The following DNAH17 variants were observed in gnomAD, a reference collection of about 807,000 sequenced individuals.
DNAH17 encodes axonemal beta dynein heavy chain 17.
Under a neutral mutation model 485.6 loss-of-function variants are expected in DNAH17, and 376 were observed. That is an observed-to-expected ratio of 0.77 (90% CI 0.71 to 0.84). DNAH17 has a LOEUF of 0.84. Among genes scored for constraint, DNAH17 ranks in the 40% least tolerant of loss-of-function variants. The probability of loss-of-function intolerance (pLI) is 0.00; values close to 1 mark genes in which losing one functional copy is unlikely to be tolerated. For synonymous variants in DNAH17, 3,031 were observed against 2,405.9 expected (o/e 1.26, Z -7.60); for missense variants, 6,370 against 5,839.3 (o/e 1.09, Z -2.96).
At chr17:78,520,134 T>C (rs2090898524) in intron 25 of DNAH17, among the ~76,000 whole-genome samples, 1 of 151,744 alleles carries the variant, frequency 6.6e-6, no homozygotes, top group African/African-American at 2.4e-5. Flanking sequence ...GTCAGTGTAA[T>C]CAATTATCTT....
In DNAH17 at chr17:78,539,778, G is replaced by C; in HGVS notation, c.2635C>G (p.Arg879Gly). The stretch of plus-strand genomic sequence containing the variant: ...TCCATTAGGAAACTCAGAGATTTGC[G>C]AATGAACTGGTCAAATTCATCTAAG... Reference protein sequence around the residue: ...MVLDEFDQFIRKSLSFLMDNM... With the variant: ...MVLDEFDQFIGKSLSFLMDNM... Residue 879 changes from arginine to glycine, a missense_variant, in exon 18 of 81, where the codon CGC becomes GGC. By Grantham distance (125) the Arg-to-Gly change is moderately radical (BLOSUM62 -2). Coordinates refer to ENST00000389840, the MANE Select transcript of DNAH17 (RefSeq NM_173628.4). The C allele has an allele frequency of 6.2e-7, 1 of 1,611,576 alleles. No individual in the cohort carries two copies. Among genetic ancestry groups the C allele is most frequent in the African/African-American group, 1.3e-5 (1 of 74,966 alleles).
At chr17:78,437,429 T>G (rs981197462) in intron 74 of DNAH17, among the ~76,000 whole-genome samples, 12 of 152,238 alleles carry the variant, frequency 7.9e-5, no homozygotes, top group Admixed American at 3.3e-4. Flanking sequence ...CTTTAAGTAA[T>G]AAATAGTGCC....
At chr17:78,496,436 T>G (rs1169857730) in intron 37 of DNAH17, among the ~76,000 whole-genome samples, 9 of 118,426 alleles carry the variant, frequency 7.6e-5, no homozygotes, top group Non-Finnish European at 1.3e-4. Flanking sequence ...TCTTGCCTAA[T>G]AACAGTACCA....
intron 25 of DNAH17, among the ~76,000 whole-genome samples, chr17:78,519,255 A>G (rs1568188871): frequency 6.6e-6 from 1 of 152,066 alleles, no homozygotes; most frequent in Non-Finnish European, 1.5e-5. Context: ...AAAGAAATTA[A>G]AAAACACACA....
chr17:78,575,579 C>G (rs537531105), intron 1 of DNAH17, among the ~76,000 whole-genome samples: 8 of 152,302 alleles, frequency 5.3e-5, no homozygotes, highest in African/African-American at 1.9e-4. Flanking sequence ...TCAGTCTTAG[C>G]CGCAGCCGTG....
chr17:78,491,400 TGCCTTGGGTG>T lies in DNAH17; in HGVS notation c.6669+33_6669+42del, dbSNP rs759378163. On this transcript the variant is annotated intron_variant, in intron 43 of 80. Transcript: ENST00000389840. Reference sequence around the variant, plus strand: ...CCTCCCTGTGAGCCCCCGTTGTCCCTGCCTTGGGTGGCCTTGGGGCTTAGAGTCCAGGGCC... The same window carrying T: ...CCTCCCTGTGAGCCCCCGTTGTCCCTGCCTTGGGGCTTAGAGTCCAGGGCC... 5.6e-6 allele frequency: 9 copies of T among 1,602,494 alleles called. No individual in the cohort carries two copies. The Admixed American group carries it at 1.0e-4, about 18-fold the overall frequency.
intron 51 of DNAH17, among the ~76,000 whole-genome samples, chr17:78,477,978 TCATCACCACCATCACCACCAC>T (rs2089125320): frequency 8.5e-6 from 1 of 118,006 alleles, no homozygotes; most frequent in African/African-American, 3.9e-5. Flanking sequence ...ACCACCATCA[TCATCACCACCATCACCACCAC>T]CATCATCACC....
In DNAH17 at chr17:78,529,552, A is replaced by G; in HGVS notation, c.3427T>C (p.Phe1143Leu). 1.2e-6 allele frequency: 2 copies of G among 1,613,762 alleles called. No individual in the cohort carries two copies. The highest frequency in any genetic ancestry group is 1.7e-6 in the Non-Finnish European group (2 of 1,179,838). ...TCGATGGTTTGCTTCAGGGGCTCAA[A>G]CATGTTGTCGGTGGCTGCTTGCCTC... ...KERQAATDNM[F>L]EPLKQTIELL... The change falls in exon 22 of 81, where the codon TTT becomes CTT. Residue 1143 changes from phenylalanine to leucine, a missense_variant. Physicochemically the swap from Phe to Leu is conservative, Grantham distance 22. Transcript: ENST00000389840.
chr17:78,451,341 A>G (rs2087542046), intron 66 of DNAH17, 128 bp downstream of exon 66: 1 of 796,414 alleles, frequency 1.3e-6, no homozygotes, highest in Non-Finnish European at 2.0e-6. Flanking sequence ...GGACACACTG[A>G]GGCACCTTCA....
At chr17:78,463,930 G>A (rs1336811655) in intron 56 of DNAH17, among the ~76,000 whole-genome samples, 3 of 152,164 alleles carry the variant, frequency 2.0e-5, no homozygotes, top group African/African-American at 4.8e-5. Context: ...TCTGCCTTGG[G>A]AACTAGAAAC....
chr17:78,510,136 C>T lies in DNAH17; in HGVS notation c.4236+248G>A, dbSNP rs537023043. On this transcript the variant is annotated intron_variant, in intron 27 of 80. Coordinates refer to ENST00000389840, the MANE Select transcript of DNAH17 (RefSeq NM_173628.4). ...GGTGGAGGTTGCAGTGAGCCAAGAT[C>T]GTGCCACTGCACTCCAGCCTGGGCA... Among the ~76,000 whole-genome samples, 41 of 152,278 alleles carry T rather than the reference C, an allele frequency of 2.7e-4. No individual in the cohort carries two copies. The South Asian group carries it at 8.1e-3, about 30-fold the overall frequency.
At chr17:78,469,880 G>C (rs2088663693) in intron 54 of DNAH17, among the ~76,000 whole-genome samples, 1 of 152,134 alleles carries the variant, frequency 6.6e-6, no homozygotes. Flanking sequence ...GTCAAAGTCA[G>C]GGACAGAAAG....
rs761514779 is a variant in DNAH17, at chr17:78,505,403, G to GT, written c.4845dup (p.Leu1616ThrfsTer9). 9.3e-6 allele frequency: 15 copies of GT among 1,614,014 alleles called. No individual in the cohort carries two copies. Among genetic ancestry groups the GT allele is most frequent in the Non-Finnish European group, 1.2e-5 (14 of 1,179,890 alleles). On this transcript the variant is annotated frameshift_variant, in exon 31 of 81. Transcript: ENST00000389840. LOFTEE classifies it high-confidence loss of function. ...TCACTGGCATCGAGCCGGAACTTCAGTTTACACAGGCTATCGAAGAGTTTG... is the reference window on the plus strand; with the variant it reads ...TCACTGGCATCGAGCCGGAACTTCAGTTTTACACAGGCTATCGAAGAGTTTG...
Position 78,437,153 on chromosome 17 carries a change from A to C in DNAH17, c.12033+488T>G, listed in dbSNP as rs550730294. On this transcript the variant is annotated intron_variant, in intron 74 of 80. Transcript: ENST00000389840. ...TGATGGTGGGTCAGAGGGGGGCTGA[A>C]GGCAAGGAAACCTGGTCACAGATCC... Among the ~76,000 whole-genome samples, 11 of 152,202 alleles carry C rather than the reference A, an allele frequency of 7.2e-5. No individual in the cohort carries two copies. The South Asian group carries it at 1.9e-3, about 26-fold the overall frequency.
At chr17:78,461,176 C>A (rs2088104854) in intron 58 of DNAH17, among the ~76,000 whole-genome samples, 1 of 152,286 alleles carries the variant, frequency 6.6e-6, no homozygotes, top group African/African-American at 2.4e-5. Flanking sequence ...GTCTTCTCAA[C>A]CCCTCCCATG....
At chr17:78,481,903 T>C (rs985844962) in intron 48 of DNAH17, among the ~76,000 whole-genome samples, 1 of 151,930 alleles carries the variant, frequency 6.6e-6, no homozygotes, top group African/African-American at 2.4e-5. Context: ...TAATCCCAGC[T>C]ACTTGGGAGG....
At chr17:78,466,962 G>T in intron 55 of DNAH17, 146 bp from the exon 56 acceptor site, 1 of 761,894 alleles carries the variant, frequency 1.3e-6, no homozygotes, top group Non-Finnish European at 1.9e-6. Context: ...CCTGGTTCTG[G>T]GTTTGAAGGG....
chr17:78,535,423 C>CA (rs1024042216), intron 19 of DNAH17, among the ~76,000 whole-genome samples: 2 of 152,218 alleles, frequency 1.3e-5, no homozygotes, highest in Non-Finnish European at 2.9e-5. Flanking sequence ...CCTTGACCTT[C>CA]TCAGGTCATT....
At chr17:78,506,669 G>T (rs2090493885) in intron 30 of DNAH17, 51 bp downstream of exon 30, 9 of 1,611,910 alleles carry the variant, frequency 5.6e-6, no homozygotes, top group Non-Finnish European at 5.9e-6. Flanking sequence ...GCCCACCTGG[G>T]GTCTGGCATG....
Sources: allele counts gnomAD v4.1 joint callset (sites outside exome capture counted in the v4.1 genomes callset), GRCh38; gene constraint gnomAD v4.1.1; transcripts MANE v1.5; gene names NCBI Gene and HGNC (gene_info 2026-07-23, HGNC 2026-07-21).